The following NCBP3 variants were observed in gnomAD, a reference collection of about 807,000 sequenced individuals.
NCBP3 encodes nuclear cap binding subunit 3, also known as nuclear cap-binding protein subunit 3.
In NCBP3, 20 loss-of-function variants were observed where a neutral mutation model predicts 75.7. The observed-to-expected ratio is 0.26, with a 90% CI of 0.19 to 0.38. NCBP3 has a LOEUF of 0.38. Ranked by LOEUF, NCBP3 falls within the 10% of genes least tolerant of loss-of-function variation. NCBP3 has a pLI of 1.00. For missense variants in NCBP3, 678 were observed against 796.9 expected (o/e 0.85, Z 1.80); for synonymous variants, 293 against 290.5 (o/e 1.01, Z -0.09).
intron 10 of NCBP3, 145 bp from the exon 11 acceptor site, chr17:3,816,415 T>C (rs1196963718): frequency 1.1e-5 from 8 of 749,230 alleles, no homozygotes; most frequent in Middle Eastern, 2.5e-4. Flanking sequence ...CATAAACTTA[T>C]AATTATTTGC....
intron 11 of NCBP3, among the ~76,000 whole-genome samples, chr17:3,814,899 A>G: frequency 6.6e-6 from 1 of 152,194 alleles, no homozygotes; most frequent in East Asian, 1.9e-4. Context: ...GAGACTGGAA[A>G]AGGCAAAGGA....
At position 3,829,329 on chromosome 17, in the gene NCBP3, C is replaced by A. The variant is rs2053838820; in HGVS notation, c.395G>T (p.Gly132Val). 1.3e-6 allele frequency: 2 copies of A among 1,551,738 alleles called. No homozygotes were observed. Among genetic ancestry groups the A allele is most frequent in the Non-Finnish European group, 8.7e-7 (1 of 1,147,014 alleles). ...KVRLETIYIC[G>V]VDEMSTQDVF... ...ATCTTGGGTGCTCATCTCATCTACT[C>A]CGCAAATATAGATTGTCTCCAGTCT... Residue 132 changes from glycine (G) to valine (V), a missense_variant, in exon 4 of 13, where the codon GGA becomes GTA. Gly to Val is a moderately radical substitution (Grantham distance 109). This residue lies in a region of NCBP3 where 40 missense variants were observed against 41.3 expected (regional missense o/e 0.97). Coordinates refer to ENST00000389005, the MANE Select transcript of NCBP3 (RefSeq NM_001114118.3).
chr17:3,813,397 C>T (rs1297024324), intron 12 of NCBP3, 118 bp from the exon 13 acceptor site: 1 of 1,250,090 alleles, frequency 8.0e-7, no homozygotes, highest in Non-Finnish European at 1.1e-6. Context: ...GTCTGTGGAG[C>T]CTGCCACCAC....
chr17:3,814,225 G>A, intron 12 of NCBP3, 97 bp downstream of exon 12: 2 of 1,306,576 alleles, frequency 1.5e-6, no homozygotes, highest in Non-Finnish European at 2.1e-6. Context: ...GGCGTGGGCT[G>A]TTTCTTGCCT....
In NCBP3 at chr17:3,810,347, CACA is replaced by C. The variant is rs2143623377; in HGVS notation, c.*2694_*2696del. 6.6e-6 allele frequency: 1 copy of C among 152,218 alleles called. No individual in the cohort carries two copies. The highest frequency in any genetic ancestry group is 6.5e-5 in the Admixed American group (1 of 15,286). The allele number at this position is 152,218 out of a possible 1,614,324, so 9.4% of individuals were successfully genotyped here. On this transcript the variant is annotated 3_prime_UTR_variant, in exon 13 of 13. Transcript: ENST00000389005. ...GGAGGAGACTACATCCTGAGGACGC[CACA>C]AATTATCCTGGGTACCTGGTAACTC...
chr17:3,830,892 C>CT (rs112547577), intron 3 of NCBP3, among the ~76,000 whole-genome samples: 20,439 of 149,582 alleles, frequency 0.14, 2,714 homozygotes, highest in African/African-American at 0.35. Context: ...CAATTGCGTA[C>CT]TTTTTTAACT....
Position 3,818,140 on chromosome 17 carries a change from A to G in NCBP3, c.1310+123T>C. The G allele has an allele frequency of 1.2e-6, 1 of 817,920 alleles. No homozygotes were observed. The highest frequency in any genetic ancestry group is 2.9e-5 in the East Asian group (1 of 34,500). 50.7% of individuals were successfully genotyped at this position (817,920 alleles called of 1,614,324 possible). A position where few individuals can be genotyped will look rare whatever the true frequency, so the allele number is the denominator to read the frequency against. On this transcript the variant is annotated intron_variant, in intron 10 of 12. Transcript: ENST00000389005. The surrounding 1 kb of genome is among the most constrained non-coding windows in gnomAD (Gnocchi z 4.7). Reference sequence around the variant, plus strand: ...AGAGGAAATACTGGATGCGTTTATTAAACTCCTACAAGGGACTGAAATCAG... The same window carrying G: ...AGAGGAAATACTGGATGCGTTTATTGAACTCCTACAAGGGACTGAAATCAG...
At chr17:3,832,362 G>C (rs189499053) in intron 3 of NCBP3, among the ~76,000 whole-genome samples, 2,283 of 118,632 alleles carry the variant, frequency 0.019, 259 homozygotes, top group African/African-American at 0.054. Flanking sequence ...GGGCAGGCGC[G>C]GTGGCTCACG....
intron 2 of NCBP3, among the ~76,000 whole-genome samples, chr17:3,841,594 TTC>T (rs1425655630): frequency 8.0e-5 from 12 of 149,424 alleles, no homozygotes; most frequent in East Asian, 5.8e-4. Flanking sequence ...AGATGACCAA[TTC>T]TCTCTCTTTT....
chr17:3,835,866 C>T (rs2053963958), intron 3 of NCBP3, among the ~76,000 whole-genome samples: 1 of 152,170 alleles, frequency 6.6e-6, no homozygotes, highest in Admixed American at 6.5e-5. Flanking sequence ...TGTGCCACAG[C>T]CCAAACTGTC....
intron 9 of NCBP3, among the ~76,000 whole-genome samples, chr17:3,819,453 G>A (rs1399317600): frequency 3.3e-5 from 5 of 151,934 alleles, no homozygotes; most frequent in Admixed American, 2.0e-4. Context: ...CCAGCTACTC[G>A]GGAGGCTGAG....
intron 9 of NCBP3, among the ~76,000 whole-genome samples, chr17:3,819,940 A>C (rs1431324474): frequency 6.6e-6 from 1 of 152,190 alleles, no homozygotes; most frequent in Non-Finnish European, 1.5e-5. Flanking sequence ...ACTGTGTAAC[A>C]GTAAAGTATG....
chr17:3,816,411 C>G, intron 10 of NCBP3, 141 bp from the exon 11 acceptor site: 1 of 755,570 alleles, frequency 1.3e-6, no homozygotes, highest in South Asian at 1.9e-5. Context: ...AATCCATAAA[C>G]TTATAATTAT....
intron 3 of NCBP3, among the ~76,000 whole-genome samples, chr17:3,834,877 G>A (rs1405686259): frequency 6.6e-6 from 1 of 151,238 alleles, no homozygotes; most frequent in African/African-American, 2.4e-5. Flanking sequence ...TTTCTTTTTT[G>A]ATAGGATTAC....
intron 3 of NCBP3, among the ~76,000 whole-genome samples, chr17:3,832,509 T>G (rs2053900745): frequency 8.2e-6 from 1 of 121,550 alleles, no homozygotes; most frequent in South Asian, 2.9e-4. Flanking sequence ...CAGGCACCTG[T>G]AGTCCCAGCT....
chr17:3,803,895 G>GA lies in NCBP3; in HGVS notation c.*9148dup, dbSNP rs923026055. 2 of 152,130 alleles carry GA rather than the reference G, an allele frequency of 1.3e-5. No individual in the cohort carries two copies. The highest frequency in any genetic ancestry group is 2.9e-5 in the Non-Finnish European group (2 of 68,064). 9.4% of individuals were successfully genotyped at this position (152,130 alleles called of 1,614,324 possible). On this transcript the variant is annotated 3_prime_UTR_variant, in exon 13 of 13. Coordinates refer to ENST00000389005, the MANE Select transcript of NCBP3 (RefSeq NM_001114118.3). Reference sequence around the variant, plus strand: ...TCGAGACCATCCTGGCTAACACGGTGAAACCCGGTCTCTACTAAAAATACA... The same window carrying GA: ...TCGAGACCATCCTGGCTAACACGGTGAAAACCCGGTCTCTACTAAAAATACA...
chr17:3,816,898 T>C (rs1182066870), intron 10 of NCBP3, among the ~76,000 whole-genome samples: 1 of 152,036 alleles, frequency 6.6e-6, no homozygotes, highest in Non-Finnish European at 1.5e-5. Flanking sequence ...CTGGGCGTGG[T>C]GGCCTGTACT....
At position 3,836,160 on chromosome 17, in the gene NCBP3, G is replaced by A. The variant is rs191764092; in HGVS notation, c.355+3940C>T. Among the ~76,000 whole-genome samples the A allele has an allele frequency of 9.2e-5, 14 of 152,256 alleles. 1 individual carries two copies. The East Asian group carries it at 2.1e-3, about 23-fold the overall frequency. On this transcript the variant is annotated intron_variant, in intron 3 of 12. Transcript: ENST00000389005. Reference sequence around the variant, plus strand: ...TAATAACAAATAACTTGAACTTGACGCCTAGTGTGGATGCAGGAGTCAACA... The same window carrying A: ...TAATAACAAATAACTTGAACTTGACACCTAGTGTGGATGCAGGAGTCAACA...
intron 2 of NCBP3, among the ~76,000 whole-genome samples, chr17:3,842,687 C>CG (rs2054086795): frequency 6.6e-6 from 1 of 151,942 alleles, no homozygotes; most frequent in Non-Finnish European, 1.5e-5. Context: ...TTTTTGTTGC[C>CG]CCCACTGGAG....
Sources: allele counts gnomAD v4.1 joint callset (sites outside exome capture counted in the v4.1 genomes callset), GRCh38; gene constraint gnomAD v4.1.1; regional missense constraint gnomAD v4.1.1; non-coding constraint Gnocchi (gnomAD v3.1); transcripts MANE v1.5; gene names NCBI Gene and HGNC (gene_info 2026-07-23, HGNC 2026-07-21).